The following SRP54 variants were observed in gnomAD, a reference collection of about 807,000 sequenced individuals.
SRP54 encodes the protein signal recognition particle 54, also known as signal recognition particle subunit SRP54.
SRP54 carries 10 observed loss-of-function variants against 64.8 expected under a neutral mutation model. That is an observed-to-expected ratio of 0.15 (90% CI 0.10 to 0.26). The LOEUF (loss-of-function observed/expected upper bound fraction) is 0.26. SRP54 is among the 10% of genes least tolerant of loss of function. The pLI is 1.00. For synonymous variants in SRP54, 193 were observed against 185.6 expected (o/e 1.04, Z -0.32); for missense variants, 325 against 613.7 (o/e 0.53, Z 4.97).
At position 35,026,276 on chromosome 14, in the gene SRP54, GAAGTGCAATGGC is replaced by G. The variant is rs2044622715; in HGVS notation, c.1328-1810_1328-1799del. On this transcript the variant is annotated intron_variant, in intron 14 of 15. Transcript: ENST00000216774. ...CGCTGTGTCACCCAGGCTGGGGGCT[GAAGTGCAATGGC>G]ATGATCATGGCTCACTGCAGCCTTG... 2.6e-5 allele frequency among the ~76,000 whole-genome samples: 4 copies of G among 151,882 alleles called. No homozygotes were observed. The South Asian group carries it at 8.3e-4, about 32-fold the overall frequency.
At chr14:35,005,802 G>A (rs578009597) in intron 4 of SRP54, among the ~76,000 whole-genome samples, 1 of 152,216 alleles carries the variant, frequency 6.6e-6, no homozygotes, top group Non-Finnish European at 1.5e-5. Flanking sequence ...CCAAACAACT[G>A]ACCCCCAAGT....
At chr14:35,022,100 A>G (rs960896529) in intron 13 of SRP54, among the ~76,000 whole-genome samples, 2 of 152,106 alleles carry the variant, frequency 1.3e-5, no homozygotes, top group Non-Finnish European at 2.9e-5. Context: ...GCTTGCTTAT[A>G]TAGTCTACAT....
chr14:34,987,230 GA>G lies in SRP54; in HGVS notation c.-34+4032del, dbSNP rs199590717. Among the ~76,000 whole-genome samples the G allele has an allele frequency of 4.1e-3, 509 of 124,254 alleles. 3 individuals carry two copies. Among genetic ancestry groups the G allele is most frequent in the African/African-American group, 0.014 (430 of 31,286 alleles). 81.5% of individuals were successfully genotyped at this position (124,254 alleles called of 152,430 possible). On this transcript the variant is annotated intron_variant, in intron 1 of 15. Coordinates refer to ENST00000216774, the MANE Select transcript of SRP54 (RefSeq NM_003136.4). ...TGGGTGACAGAGAGACACTACATCT[GA>G]AAAAAAAAAAAAAAAATATATATAT...
At chr14:34,993,883 C>T (rs191798732) in intron 1 of SRP54, among the ~76,000 whole-genome samples, 2 of 151,904 alleles carry the variant, frequency 1.3e-5, no homozygotes, top group East Asian at 1.9e-4. Context: ...TTAGTAGAGA[C>T]GGGGTTTCTC....
In SRP54 at chr14:35,029,159, T is replaced by A. The variant is rs1421358916; in HGVS notation, c.*7T>A. The A allele has an allele frequency of 6.2e-7, 1 of 1,611,458 alleles. No homozygotes were observed. Among genetic ancestry groups the A allele is most frequent in the Non-Finnish European group, 8.5e-7 (1 of 1,178,468 alleles). On this transcript the variant is annotated 3_prime_UTR_variant, in exon 16 of 16. Coordinates refer to ENST00000216774, the MANE Select transcript of SRP54 (RefSeq NM_003136.4). ...GGGATTCAATAATATGTAAAGAAAA[T>A]GCCTTAATATAAACTGACTCAGTTG...
At chr14:34,993,919 TC>T (rs1388372830) in intron 1 of SRP54, among the ~76,000 whole-genome samples, 1 of 152,088 alleles carries the variant, frequency 6.6e-6, no homozygotes, top group Non-Finnish European at 1.5e-5. Context: ...GGTCTCGAAC[TC>T]CCAACCTCAG....
intron 1 of SRP54, among the ~76,000 whole-genome samples, chr14:34,988,532 A>C (rs1469339666): frequency 6.8e-5 from 7 of 103,510 alleles, no homozygotes; most frequent in African/African-American, 2.3e-4. Flanking sequence ...ACTGCACTCC[A>C]GCCTGGCGAC....
chr14:35,026,493 T>A (rs1955438), intron 14 of SRP54, among the ~76,000 whole-genome samples: 2 of 152,086 alleles, frequency 1.3e-5, no homozygotes, highest in African/African-American at 2.4e-5. Context: ...CTTCGCCACC[T>A]GAAGTGCTGG....
In SRP54 at chr14:35,028,068, CTTTT is replaced by C; in HGVS notation, c.1328-12_1328-9del. ...ATTACCTCCTACGCTGACTCAAAAT[CTTTT>C]TTTTTTTCCCCTCAGGTGGCGACAT... On this transcript the variant is annotated splice_polypyrimidine_tract_variant and intron_variant, in intron 14 of 15. Coordinates refer to ENST00000216774, the MANE Select transcript of SRP54 (RefSeq NM_003136.4). The C allele has an allele frequency of 2.4e-6, 3 of 1,249,732 alleles. No homozygotes were observed. Among genetic ancestry groups the C allele is most frequent in the Non-Finnish European group, 3.3e-6 (3 of 907,716 alleles). The allele number at this position is 1,249,732 out of a possible 1,614,324, so 77.4% of individuals were successfully genotyped here.
At chr14:34,999,521 T>C (rs768079248) in intron 2 of SRP54, 37 bp from the exon 3 acceptor site, 8 of 1,472,446 alleles carry the variant, frequency 5.4e-6, no homozygotes, top group African/African-American at 1.4e-5. Context: ...AATGAAACAT[T>C]GGGTGCTTTA....
chr14:35,016,362 ATGT>A (rs1002954953), intron 11 of SRP54, among the ~76,000 whole-genome samples: 5 of 152,024 alleles, frequency 3.3e-5, no homozygotes, highest in Non-Finnish European at 7.4e-5. Flanking sequence ...CACATCTTCC[ATGT>A]TGTGTTTTAG....
At chr14:35,000,914 A>C in intron 3 of SRP54, 22 bp from the exon 4 acceptor site, 1 of 1,486,248 alleles carries the variant, frequency 6.7e-7, no homozygotes, top group South Asian at 1.3e-5. Context: ...CCCCACCCCA[A>C]TCACCAACCA....
At chr14:35,016,830 C>T (rs1253339292) in intron 11 of SRP54, among the ~76,000 whole-genome samples, 1 of 124,272 alleles carries the variant, frequency 8.0e-6, no homozygotes, top group Non-Finnish European at 1.7e-5. Context: ...TCTCTTTGCC[C>T]CTTTTTTTTC....
At chr14:35,013,757 G>T in intron 9 of SRP54, 45 bp from the exon 10 acceptor site, 1 of 1,508,686 alleles carries the variant, frequency 6.6e-7, no homozygotes, top group Non-Finnish European at 9.1e-7. Context: ...CTGGAAATTT[G>T]TGGGGTTCTT....
At chr14:35,019,342 TAAAAGG>T (rs1451139321) in intron 13 of SRP54, 1 of 236,216 alleles carries the variant, frequency 4.2e-6, no homozygotes, top group African/African-American at 2.3e-5. Flanking sequence ...AGAGTTAACT[TAAAAGG>T]AGAACTCTGA....
intron 14 of SRP54, among the ~76,000 whole-genome samples, chr14:35,024,883 T>C (rs1247498359): frequency 1.3e-5 from 2 of 151,942 alleles, no homozygotes; most frequent in African/African-American, 4.8e-5. Flanking sequence ...CGTGCCACCA[T>C]GCCCAACTAA....
chr14:34,993,693 A>G (rs2044019303), intron 1 of SRP54, among the ~76,000 whole-genome samples: 1 of 151,704 alleles, frequency 6.6e-6, no homozygotes, highest in African/African-American at 2.4e-5. Flanking sequence ...AAATTAATTA[A>G]TTAATTTATT....
At chr14:34,986,179 TGA>T (rs1206166967) in intron 1 of SRP54, among the ~76,000 whole-genome samples, 1 of 152,172 alleles carries the variant, frequency 6.6e-6, no homozygotes, top group Non-Finnish European at 1.5e-5. Flanking sequence ...ATTGGTGCTG[TGA>T]TATTATTTTA....
chr14:34,999,631 A>C lies in SRP54; in HGVS notation c.152A>C (p.Gln51Pro). The change falls in exon 3 of 16, where the codon CAA becomes CCA. Residue 51 changes from glutamine to proline, a missense_variant. Coordinates refer to ENST00000216774, the MANE Select transcript of SRP54 (RefSeq NM_003136.4). ...EADVNIKLVK[Q>P]LRENVKSAID... Reference sequence around the variant, plus strand: ...GATGTTAATATTAAACTAGTGAAGCAACTAAGAGAAAATGTTAAGTAAGTT... The same window carrying C: ...GATGTTAATATTAAACTAGTGAAGCCACTAAGAGAAAATGTTAAGTAAGTT... The C allele has an allele frequency of 6.2e-7, 1 of 1,612,438 alleles. No individual in the cohort carries two copies. Among genetic ancestry groups the C allele is most frequent in the Non-Finnish European group, 8.5e-7 (1 of 1,178,666 alleles).
Sources: allele counts gnomAD v4.1 joint callset (sites outside exome capture counted in the v4.1 genomes callset), GRCh38; gene constraint gnomAD v4.1.1; transcripts MANE v1.5; gene names NCBI Gene and HGNC (gene_info 2026-07-23, HGNC 2026-07-21).